The following GRIP1 variants were observed in gnomAD, a reference collection of about 807,000 sequenced individuals.
GRIP1 encodes the protein glutamate receptor-interacting protein 1.
In GRIP1, 45 loss-of-function variants were observed where a neutral mutation model predicts 129.9. That is an observed-to-expected ratio of 0.35 (90% CI 0.27 to 0.44). The LOEUF (loss-of-function observed/expected upper bound fraction) is 0.44. Ranked by LOEUF, GRIP1 falls within the 20% of genes least tolerant of loss-of-function variation. The pLI is 1.00. For synonymous variants in GRIP1, 530 were observed against 520.8 expected (o/e 1.02, Z -0.24); for missense variants, 1,196 against 1,396.8 (o/e 0.86, Z 2.29).
chr12:66,573,097 C>T (rs762332361), intron 2 of GRIP1, among the ~76,000 whole-genome samples: 16 of 77,398 alleles, frequency 2.1e-4, no homozygotes, highest in Non-Finnish European at 2.9e-4. Context: ...GTATATATGT[C>T]GGCATATATA....
At chr12:66,968,815 G>A (rs1296419503) in intron 1 of GRIP1, among the ~76,000 whole-genome samples, 1 of 151,990 alleles carries the variant, frequency 6.6e-6, no homozygotes, top group Non-Finnish European at 1.5e-5. Context: ...CTTCTCTGAT[G>A]TTCTTTCCTT....
At chr12:66,847,098 C>A (rs190409851) in intron 1 of GRIP1, among the ~76,000 whole-genome samples, 1 of 152,270 alleles carries the variant, frequency 6.6e-6, no homozygotes, top group Admixed American at 6.5e-5. Context: ...GACCTCTAGC[C>A]ACTGCCTCAA....
intron 5 of GRIP1, among the ~76,000 whole-genome samples, chr12:66,518,984 T>A (rs1171955230): frequency 6.6e-6 from 1 of 152,144 alleles, no homozygotes; most frequent in African/African-American, 2.4e-5. Flanking sequence ...CACATCACCA[T>A]CCTGACTGTC....
chr12:66,541,566 G>A (rs1328356078), intron 3 of GRIP1, among the ~76,000 whole-genome samples: 8 of 152,136 alleles, frequency 5.3e-5, no homozygotes, highest in Admixed American at 5.2e-4. Flanking sequence ...TTAAAATCTT[G>A]TGAGGGCCTG....
At chr12:66,915,942 CTG>C (rs1274741081) in intron 1 of GRIP1, among the ~76,000 whole-genome samples, 3 of 152,160 alleles carry the variant, frequency 2.0e-5, no homozygotes, top group Non-Finnish European at 4.4e-5. Context: ...CAGGAGGTCT[CTG>C]TGAGAAACTC....
At chr12:66,402,962 T>C (rs946420663) in intron 16 of GRIP1, among the ~76,000 whole-genome samples, 9 of 152,196 alleles carry the variant, frequency 5.9e-5, no homozygotes, top group Admixed American at 1.3e-4. Context: ...GAGTGGAGCA[T>C]GGACTGTGCC....
chr12:66,709,160 G>A (rs1006046041), intron 1 of GRIP1, among the ~76,000 whole-genome samples: 8 of 151,894 alleles, frequency 5.3e-5, no homozygotes, highest in African/African-American at 1.2e-4. Flanking sequence ...CCAAGTAGTC[G>A]TTCAGCTTAT....
intron 1 of GRIP1, among the ~76,000 whole-genome samples, chr12:67,055,241 G>A (rs1048003929): frequency 6.6e-6 from 1 of 152,218 alleles, no homozygotes; most frequent in Admixed American, 6.5e-5. Context: ...ATCCAGTAGA[G>A]AAGGCGACCC....
At position 66,637,985 on chromosome 12, in the gene GRIP1, G is replaced by A. The variant is rs1036788413; in HGVS notation, c.55+40865C>T. 3.3e-5 allele frequency among the ~76,000 whole-genome samples: 5 copies of A among 152,326 alleles called. No individual in the cohort carries two copies. In the East Asian group the frequency reaches 9.6e-4, roughly 29 times the overall value. On this transcript the variant is annotated intron_variant, in intron 1 of 24. Coordinates refer to ENST00000359742, the MANE Select transcript of GRIP1 (RefSeq NM_001366722.1). ...CCATGCTGGCTACCAAATGCACTGTGAACACTAAAAATTCTTTTGTACGCT... is the reference window on the plus strand; with the variant it reads ...CCATGCTGGCTACCAAATGCACTGTAAACACTAAAAATTCTTTTGTACGCT...
At chr12:66,580,969 C>G (rs201525681) in intron 2 of GRIP1, among the ~76,000 whole-genome samples, 1 of 151,816 alleles carries the variant, frequency 6.6e-6, no homozygotes, top group Non-Finnish European at 1.5e-5. Flanking sequence ...TTTTCAGCAC[C>G]ACACCACAGC....
intron 1 of GRIP1, among the ~76,000 whole-genome samples, chr12:67,016,656 C>T (rs1038333635): frequency 6.6e-6 from 1 of 152,062 alleles, no homozygotes; most frequent in Non-Finnish European, 1.5e-5. Flanking sequence ...GTCTGAACTT[C>T]CACTAAAAAA....
intron 1 of GRIP1, among the ~76,000 whole-genome samples, chr12:66,963,163 AC>A (rs1184372940): frequency 1.3e-5 from 2 of 152,034 alleles, no homozygotes; most frequent in African/African-American, 2.4e-5. Context: ...ACAAAAAAAA[AC>A]ATTAGCCAGG....
At chr12:66,523,552 C>G (rs1396747099) in intron 5 of GRIP1, among the ~76,000 whole-genome samples, 2 of 152,086 alleles carry the variant, frequency 1.3e-5, no homozygotes, top group South Asian at 2.1e-4. Flanking sequence ...AAAGGAACAA[C>G]TGGTACCAGC....
At chr12:66,864,513 C>A (rs939490511) in intron 1 of GRIP1, among the ~76,000 whole-genome samples, 1 of 151,704 alleles carries the variant, frequency 6.6e-6, no homozygotes, top group Non-Finnish European at 1.5e-5. Flanking sequence ...CCTGTAAGTT[C>A]GAGACCAGCC....
intron 14 of GRIP1, among the ~76,000 whole-genome samples, chr12:66,424,261 A>C (rs1226737661): frequency 6.6e-6 from 1 of 152,218 alleles, no homozygotes; most frequent in Admixed American, 6.5e-5. Flanking sequence ...ATAGATATAC[A>C]TTCTTGGTAC....
At chr12:66,519,422 T>G (rs1197249418) in intron 5 of GRIP1, among the ~76,000 whole-genome samples, 1 of 152,194 alleles carries the variant, frequency 6.6e-6, no homozygotes, top group African/African-American at 2.4e-5. Context: ...TGCAAGGTGA[T>G]CATAAAGGAT....
intron 2 of GRIP1, among the ~76,000 whole-genome samples, chr12:66,558,910 C>T (rs2062423933): frequency 6.6e-6 from 1 of 151,858 alleles, no homozygotes; most frequent in Non-Finnish European, 1.5e-5. Flanking sequence ...CCCAATAAAC[C>T]CTGTTGCAAA....
At chr12:66,792,145 A>G (rs1374623654) in intron 1 of GRIP1, among the ~76,000 whole-genome samples, 2 of 152,186 alleles carry the variant, frequency 1.3e-5, no homozygotes, top group Non-Finnish European at 2.9e-5. Flanking sequence ...AAGCAAAAGA[A>G]CTGATTTGGA....
At chr12:66,523,851 A>G (rs1202694432) in intron 5 of GRIP1, among the ~76,000 whole-genome samples, 1 of 152,212 alleles carries the variant, frequency 6.6e-6, no homozygotes, top group Non-Finnish European at 1.5e-5. Context: ...AAGCAAACAG[A>G]AAACAAAAAA....
Sources: allele counts gnomAD v4.1 joint callset (sites outside exome capture counted in the v4.1 genomes callset), GRCh38; gene constraint gnomAD v4.1.1; transcripts MANE v1.5; gene names NCBI Gene and HGNC (gene_info 2026-07-23, HGNC 2026-07-21).